Variants in CTNNA2 observed in about 807,000 individuals in gnomAD.
The protein encoded by CTNNA2 is catenin alpha-2.
CTNNA2 carries 42 observed loss-of-function variants against 101.0 expected under a neutral mutation model. The ratio of observed to expected loss-of-function variants is 0.42; its 90% CI spans 0.32 to 0.54. CTNNA2 has a LOEUF of 0.54. CTNNA2 is among the 20% of genes least tolerant of loss of function. The pLI, the probability that CTNNA2 is intolerant of heterozygous loss-of-function variation, is 0.14. For missense variants in CTNNA2, 871 were observed against 1,223.1 expected, an observed-to-expected ratio of 0.71 and a Z score of 4.29; for synonymous variants, 450 against 456.4, an observed-to-expected ratio of 0.99 and a Z score of 0.18.
At position 80,008,816 on chromosome 2, in the gene CTNNA2, C is replaced by T. The variant is rs72813766; in HGVS notation, c.1056+99019C>T. Among the ~76,000 whole-genome samples, 1,443 of 152,296 alleles carry T rather than the reference C, an allele frequency of 9.5e-3. 10 individuals are homozygous for T. The highest frequency in any genetic ancestry group is 0.024 in the Middle Eastern group (7 of 294). On this transcript the variant is annotated intron_variant, in intron 7 of 18. Coordinates refer to ENST00000402739, the MANE Select transcript of CTNNA2 (RefSeq NM_001282597.3). ...AACTTATGTAAACAACAAGATGCTT[C>T]GTGTGAAATCACCTCTCAGTAACTG... is the stretch of plus-strand genomic sequence containing the variant.
At chr2:79,860,625 A>T (rs1205100028) in intron 4 of CTNNA2, among the ~76,000 whole-genome samples, 1 of 144,438 alleles carries the variant, frequency 6.9e-6, no homozygotes, top group Non-Finnish European at 1.5e-5. Context: ...GTCCTGTCAG[A>T]CTGTCAGTAG....
At chr2:79,989,345 G>C (rs530531956) in intron 7 of CTNNA2, among the ~76,000 whole-genome samples, 1 of 152,252 alleles carries the variant, frequency 6.6e-6, no homozygotes, top group South Asian at 2.1e-4. Flanking sequence ...GTATTAGGCT[G>C]GGCGCAGTGG....
At chr2:80,193,367 C>T (rs571232651) in intron 7 of CTNNA2, among the ~76,000 whole-genome samples, 25 of 152,178 alleles carry the variant, frequency 1.6e-4, no homozygotes, top group African/African-American at 5.1e-4. Flanking sequence ...AAATGGCAAT[C>T]GGTATATTTG....
intron 1 of CTNNA2, among the ~76,000 whole-genome samples, chr2:79,612,977 CAT>C (rs1023183514): frequency 3.9e-5 from 6 of 152,000 alleles, no homozygotes; most frequent in African/African-American, 1.4e-4. Context: ...TTGAAAATGA[CAT>C]ATTTCTATTT....
chr2:80,383,137 A>G (rs1212083227), intron 7 of CTNNA2, among the ~76,000 whole-genome samples: 1 of 152,190 alleles, frequency 6.6e-6, no homozygotes, highest in Non-Finnish European at 1.5e-5. Flanking sequence ...TCTTTTATGC[A>G]GGGTTGCCTG....
intron 2 of CTNNA2, among the ~76,000 whole-genome samples, chr2:79,294,721 C>T (rs1360792299): frequency 6.6e-6 from 1 of 151,912 alleles, no homozygotes; most frequent in Non-Finnish European, 1.5e-5. Flanking sequence ...GTTTTGAAAC[C>T]TGTATTTTTT....
In CTNNA2 at chr2:79,610,220, A is replaced by C. The variant is rs537402538; in HGVS notation, c.-5-41332A>C. On this transcript the variant is annotated intron_variant, in intron 1 of 18. Transcript: ENST00000402739. ...ATGTAAATTAGAACCTTAATGTGATACACACTATTCACACAATTAAAATTA... is the reference window on the plus strand; with the variant it reads ...ATGTAAATTAGAACCTTAATGTGATCCACACTATTCACACAATTAAAATTA... 4.6e-5 allele frequency among the ~76,000 whole-genome samples: 7 copies of C among 152,264 alleles called. No homozygotes were observed. The South Asian group carries it at 1.2e-3, about 27-fold the overall frequency.
chr2:80,197,419 C>G (rs1309268402), intron 7 of CTNNA2, among the ~76,000 whole-genome samples: 1 of 152,082 alleles, frequency 6.6e-6, no homozygotes, highest in Non-Finnish European at 1.5e-5. Flanking sequence ...TCTTATGTAC[C>G]AAGAAATCAG....
At position 80,083,149 on chromosome 2, in the gene CTNNA2, A is replaced by G. The variant is rs143065667; in HGVS notation, c.1056+173352A>G. 7.6e-3 allele frequency among the ~76,000 whole-genome samples: 1,161 copies of G among 152,240 alleles called. 9 individuals are homozygous for G. Among genetic ancestry groups the G allele is most frequent in the Non-Finnish European group, 0.012 (803 of 68,010 alleles). On this transcript the variant is annotated intron_variant, in intron 7 of 18. Coordinates refer to ENST00000402739, the MANE Select transcript of CTNNA2 (RefSeq NM_001282597.3). ...GGTTTGCCTTGATTCTCTGGACTCC[A>G]TTATCATGAATAGACTGGGGCTGTG...
chr2:80,374,085 A>G (rs1029471336), intron 7 of CTNNA2, among the ~76,000 whole-genome samples: 10 of 152,026 alleles, frequency 6.6e-5, no homozygotes, highest in African/African-American at 1.7e-4. Flanking sequence ...TTCAACTCTT[A>G]TTTTTGATTC....
intron 7 of CTNNA2, among the ~76,000 whole-genome samples, chr2:80,149,018 T>G (rs201657120): frequency 0.039 from 5,603 of 144,774 alleles, 343 homozygotes; most frequent in African/African-American, 0.14. Context: ...CTGACTTATT[T>G]TGTTATTTTT....
At chr2:79,655,755 G>A (rs1477875653) in intron 2 of CTNNA2, among the ~76,000 whole-genome samples, 1 of 151,544 alleles carries the variant, frequency 6.6e-6, no homozygotes, top group Non-Finnish European at 1.5e-5. Context: ...CTTGAACACA[G>A]GAGGCAGAGG....
intron 3 of CTNNA2, among the ~76,000 whole-genome samples, chr2:79,821,938 C>A (rs1317773587): frequency 6.6e-6 from 1 of 152,164 alleles, no homozygotes; most frequent in Non-Finnish European, 1.5e-5. Flanking sequence ...AAAAGTATAG[C>A]AATGGTTAAC....
In CTNNA2 at chr2:79,907,901, C is replaced by T. The variant is rs147244850; in HGVS notation, c.853-1693C>T. Among the ~76,000 whole-genome samples the T allele has an allele frequency of 1.9e-3, 294 of 152,290 alleles. 3 individuals carry two copies. The highest frequency in any genetic ancestry group is 7.0e-3 in the African/African-American group (291 of 41,556). On this transcript the variant is annotated intron_variant, in intron 6 of 18. Transcript: ENST00000402739. ...CTGTTCCTTTCTAAGTCCCAACCTA[C>T]CTACACTCATTCCTTAAGACTTCAA...
intron 13 of CTNNA2, chr2:80,579,424 A>T (rs1299699351): frequency 6.6e-6 from 1 of 152,134 alleles, no homozygotes; most frequent in Non-Finnish European, 1.5e-5. Context: ...AGCGCTTGTA[A>T]TCTTGTCATC....
At chr2:79,269,332 G>A (rs1675031233) in intron 2 of CTNNA2, among the ~76,000 whole-genome samples, 1 of 152,106 alleles carries the variant, frequency 6.6e-6, no homozygotes, top group South Asian at 2.1e-4. Flanking sequence ...GCCGAAGTCA[G>A]CAAGGAAAGA....
At chr2:80,479,883 G>A (rs1383177546) in intron 9 of CTNNA2, among the ~76,000 whole-genome samples, 1 of 152,122 alleles carries the variant, frequency 6.6e-6, no homozygotes, top group Non-Finnish European at 1.5e-5. Context: ...TGCAAAGCTT[G>A]AATAATTTCA....
chr2:79,791,134 A>G (rs1675236322), intron 3 of CTNNA2, among the ~76,000 whole-genome samples: 1 of 152,154 alleles, frequency 6.6e-6, no homozygotes, highest in South Asian at 2.1e-4. Context: ...AGATTTCAAA[A>G]ACTATTTAAA....
Position 80,574,144 on chromosome 2 carries a change from C to G in CTNNA2, c.1742-19C>G. 1 of 1,604,776 alleles carries G rather than the reference C, an allele frequency of 6.2e-7. No individual in the cohort carries two copies. Among genetic ancestry groups the G allele is most frequent in the Non-Finnish European group, 8.5e-7 (1 of 1,173,922 alleles). ...GAGAGAGAAATTGCCTAATCCTCTGCTTTTTATTTTTAACCCAGTGATGCC... is the reference window on the plus strand; with the variant it reads ...GAGAGAGAAATTGCCTAATCCTCTGGTTTTTATTTTTAACCCAGTGATGCC... On this transcript the variant is annotated intron_variant, in intron 12 of 18. Transcript: ENST00000402739.
Sources: gnomAD v4.1 joint callset for allele counts (sites outside exome capture counted in the v4.1 genomes callset) on GRCh38, gnomAD v4.1.1 for gene constraint, MANE v1.5 for transcripts, NCBI Gene and HGNC (gene_info 2026-07-23, HGNC 2026-07-21) for gene names.